Variants in FMN1 observed in about 807,000 individuals in gnomAD.
The protein encoded by FMN1 is formin 1.
A neutral mutation model predicts 132.4 loss-of-function variants in FMN1; 110 were observed. The ratio of observed to expected loss-of-function variants is 0.83; its 90% CI spans 0.71 to 0.97. FMN1 has a LOEUF of 0.97. Among genes scored for constraint, FMN1 ranks in the 50% least tolerant of loss-of-function variants. The pLI is 0.00. For synonymous variants in FMN1, 722 were observed against 651.7 expected (o/e 1.11, Z -1.64); for missense variants, 1,792 against 1,705.3 (o/e 1.05, Z -0.90).
intron 7 of FMN1, among the ~76,000 whole-genome samples, chr15:33,005,791 C>T (rs989037420): frequency 1.3e-5 from 2 of 152,152 alleles, no homozygotes; most frequent in African/African-American, 4.8e-5. Context: ...CTTAAATTAT[C>T]CCCTACCAAT....
At chr15:33,142,291 G>A (rs897609746) in intron 4 of FMN1, among the ~76,000 whole-genome samples, 1 of 152,180 alleles carries the variant, frequency 6.6e-6, no homozygotes, top group African/African-American at 2.4e-5. Flanking sequence ...TGAGGTCCCT[G>A]ATGTCCTTTA....
intron 15 of FMN1, among the ~76,000 whole-genome samples, chr15:32,898,423 C>G (rs1027197219): frequency 2.0e-5 from 3 of 152,198 alleles, no homozygotes; most frequent in African/African-American, 7.2e-5. Context: ...CATCTTCAGT[C>G]TGTTCATAGA....
At chr15:33,075,560 G>A (rs980119545) in intron 5 of FMN1, among the ~76,000 whole-genome samples, 1 of 152,164 alleles carries the variant, frequency 6.6e-6, no homozygotes, top group Non-Finnish European at 1.5e-5. Context: ...CACTTGAGAA[G>A]AGAATAAAGT....
At chr15:32,890,495 T>C (rs2060001440) in intron 15 of FMN1, among the ~76,000 whole-genome samples, 1 of 152,250 alleles carries the variant, frequency 6.6e-6, no homozygotes, top group South Asian at 2.1e-4. Flanking sequence ...CATTGTGGTT[T>C]TGATTTGCAT....
chr15:32,948,274 A>G (rs1046160502), intron 9 of FMN1, among the ~76,000 whole-genome samples: 13 of 151,782 alleles, frequency 8.6e-5, no homozygotes, highest in African/African-American at 2.9e-4. Context: ...TCTGGAATAA[A>G]TCAGTTAATT....
intron 17 of FMN1, among the ~76,000 whole-genome samples, chr15:32,837,916 A>G (rs538113815): frequency 3.9e-5 from 6 of 152,318 alleles, no homozygotes; most frequent in African/African-American, 1.4e-4. Flanking sequence ...GAGAAAGACT[A>G]TCATTTCCAC....
intron 7 of FMN1, among the ~76,000 whole-genome samples, chr15:33,004,600 C>T (rs1444059886): frequency 6.6e-6 from 1 of 152,122 alleles, no homozygotes; most frequent in African/African-American, 2.4e-5. Flanking sequence ...GGACTGTAAA[C>T]CAGTTCAACC....
intron 4 of FMN1, among the ~76,000 whole-genome samples, chr15:33,098,299 G>T (rs973313647): frequency 6.6e-6 from 1 of 152,208 alleles, no homozygotes; most frequent in African/African-American, 2.4e-5. Context: ...CGGACTGGGG[G>T]AGATGTCAGG....
At chr15:32,898,154 AG>A (rs1247105823) in intron 15 of FMN1, among the ~76,000 whole-genome samples, 1 of 152,230 alleles carries the variant, frequency 6.6e-6, no homozygotes. Flanking sequence ...CTCGATGCTT[AG>A]GAACAATTAT....
At chr15:32,901,827 T>C (rs1292590323) in intron 13 of FMN1, 84 bp downstream of exon 13, 21 of 1,177,812 alleles carry the variant, frequency 1.8e-5, no homozygotes, top group Non-Finnish European at 3.5e-6. Flanking sequence ...AAAAGGTTTC[T>C]ATAATGGCAT....
chr15:32,805,231 T>G (rs566171785), intron 17 of FMN1, among the ~76,000 whole-genome samples: 46 of 152,320 alleles, frequency 3.0e-4, no homozygotes, highest in Admixed American at 2.5e-3. Context: ...GTCATTGTGG[T>G]TTTGATTTGC....
At chr15:32,986,279 C>A (rs915249970) in intron 7 of FMN1, among the ~76,000 whole-genome samples, 1 of 152,050 alleles carries the variant, frequency 6.6e-6, no homozygotes, top group Non-Finnish European at 1.5e-5. Flanking sequence ...AAAGTGTATC[C>A]GTTGAGGCTA....
chr15:33,117,200 CAA>C (rs769692016), intron 4 of FMN1, among the ~76,000 whole-genome samples: 41 of 152,136 alleles, frequency 2.7e-4, no homozygotes, highest in Non-Finnish European at 4.9e-4. Context: ...ACCCCTACTC[CAA>C]AAGAGAGAGA....
intron 17 of FMN1, among the ~76,000 whole-genome samples, chr15:32,826,757 A>G (rs1260894972): frequency 6.6e-6 from 1 of 152,322 alleles, no homozygotes; most frequent in East Asian, 1.9e-4. Flanking sequence ...ATGATCTCAC[A>G]CTATCATTAC....
intron 4 of FMN1, among the ~76,000 whole-genome samples, chr15:33,136,256 A>G (rs988082786): frequency 3.3e-5 from 5 of 152,214 alleles, no homozygotes; most frequent in Admixed American, 3.3e-4. Context: ...TCCTCACTCA[A>G]AGAGAGATGT....
intron 16 of FMN1, among the ~76,000 whole-genome samples, chr15:32,866,394 A>G (rs543056136): frequency 1.3e-5 from 2 of 152,076 alleles, no homozygotes; most frequent in African/African-American, 2.4e-5. Context: ...TAAACATGTG[A>G]AAAAAAAGCA....
intron 4 of FMN1, among the ~76,000 whole-genome samples, chr15:33,089,272 A>G (rs1232031800): frequency 1.3e-5 from 2 of 152,110 alleles, no homozygotes; most frequent in African/African-American, 4.8e-5. Flanking sequence ...AAATCAGAGG[A>G]GCTAGGGGAC....
At chr15:32,976,168 T>C (rs2032186830) in intron 7 of FMN1, among the ~76,000 whole-genome samples, 1 of 152,142 alleles carries the variant, frequency 6.6e-6, no homozygotes. Flanking sequence ...CAGTCAGTCT[T>C]TTCCAGGGAC....
chr15:33,099,642 A>G (rs1021733784), intron 4 of FMN1, among the ~76,000 whole-genome samples: 5 of 152,238 alleles, frequency 3.3e-5, no homozygotes, highest in African/African-American at 1.2e-4. Context: ...GCATTTGTAA[A>G]TCAATAAATG....
Sources: gnomAD v4.1 joint callset for allele counts (sites outside exome capture counted in the v4.1 genomes callset) on GRCh38, gnomAD v4.1.1 for gene constraint, MANE v1.5 for transcripts, NCBI Gene and HGNC (gene_info 2026-07-23, HGNC 2026-07-21) for gene names.